Variants in BNIP2 observed in about 807,000 individuals in gnomAD.
BNIP2 encodes BCL2/adenovirus E1B 19 kDa protein-interacting protein 2.
BNIP2 carries 36 observed loss-of-function variants against 43.4 expected under a neutral mutation model. The ratio of observed to expected loss-of-function variants is 0.83; its 90% CI spans 0.64 to 1.10. The LOEUF (loss-of-function observed/expected upper bound fraction) is 1.10. BNIP2 is among the 50% of genes least tolerant of loss of function. BNIP2 has a pLI of 0.00. For missense variants in BNIP2, 417 were observed against 374.1 expected (o/e 1.11, Z -0.95); for synonymous variants, 146 against 121.0 (o/e 1.21, Z -1.35).
rs1892371875 is a variant in BNIP2 at position 59,663,268 on chromosome 15, T to A, written c.*801A>T. On this transcript the variant is annotated 3_prime_UTR_variant, in exon 10 of 10. Transcript: ENST00000607373. ...TCACATTAGTGAACAAACTCAAGAT[T>A]TTTATAAAGTTCTGACTTTGGGCCA... 1 of 152,376 alleles carries A rather than the reference T, an allele frequency of 6.6e-6. No homozygotes were observed. The highest frequency in any genetic ancestry group is 1.5e-5 in the Non-Finnish European group (1 of 68,046). The allele number at this position is 152,376 out of a possible 1,614,324, so 9.4% of individuals were successfully genotyped here. A position where few individuals can be genotyped will look rare whatever the true frequency, so the allele number is the denominator to read the frequency against.
At chr15:59,670,656 G>A (rs1277935265) in intron 7 of BNIP2, among the ~76,000 whole-genome samples, 1 of 152,078 alleles carries the variant, frequency 6.6e-6, no homozygotes, top group African/African-American at 2.4e-5. Flanking sequence ...GAAGAATTAA[G>A]GTTATTCTTT....
intron 1 of BNIP2, among the ~76,000 whole-genome samples, chr15:59,683,606 C>T (rs1893833940): frequency 6.6e-6 from 1 of 152,174 alleles, no homozygotes; most frequent in Non-Finnish European, 1.5e-5. Context: ...CACTTGAGGT[C>T]AGGAGTTCAA....
intron 2 of BNIP2, among the ~76,000 whole-genome samples, chr15:59,680,604 T>G (rs913247179): frequency 6.6e-6 from 1 of 152,156 alleles, no homozygotes; most frequent in African/African-American, 2.4e-5. Flanking sequence ...TCTTGCTATG[T>G]TACCCAGGCT....
chr15:59,670,079 G>A (rs1423757176), intron 7 of BNIP2, among the ~76,000 whole-genome samples: 2 of 152,126 alleles, frequency 1.3e-5, no homozygotes, highest in Admixed American at 6.5e-5. Context: ...TAACTCCCAA[G>A]ACAAAACACT....
intron 1 of BNIP2, among the ~76,000 whole-genome samples, chr15:59,687,893 C>T (rs1192405907): frequency 1.3e-5 from 2 of 152,154 alleles, no homozygotes; most frequent in African/African-American, 2.4e-5. Context: ...GACACTACAT[C>T]CTGGTCCCCA....
Position 59,679,085 on chromosome 15 carries a change from C to A in BNIP2, c.295+507G>T, listed in dbSNP as rs541561725. The stretch of plus-strand genomic sequence containing the variant: ...AATTATAACAACTATATATAAGATA[C>A]TGTAGACAATTTTGTAATTAAAGAA... On this transcript the variant is annotated intron_variant, in intron 4 of 9. Transcript: ENST00000607373. Among the ~76,000 whole-genome samples the A allele has an allele frequency of 3.9e-5, 6 of 152,186 alleles. No homozygotes were observed. The South Asian group carries it at 1.2e-3, about 32-fold the overall frequency.
At chr15:59,677,134 C>A in intron 5 of BNIP2, 5 of 1,598,404 alleles carry the variant, frequency 3.1e-6, no homozygotes, top group Non-Finnish European at 3.4e-6. Flanking sequence ...ATCAATGAGG[C>A]TATTTACATG....
At chr15:59,678,760 G>A (rs763278713) in intron 4 of BNIP2, 109 of 1,293,022 alleles carry the variant, frequency 8.4e-5, no homozygotes, top group Non-Finnish European at 1.0e-4. Context: ...AAAGATGGGG[G>A]GAGGGGGAAA....
At position 59,682,473 on chromosome 15, in the gene BNIP2, A is replaced by T; in HGVS notation, c.-16T>A. The T allele has an allele frequency of 6.2e-7, 1 of 1,613,744 alleles. No individual in the cohort carries two copies. Among genetic ancestry groups the T allele is most frequent in the Non-Finnish European group, 8.5e-7 (1 of 1,179,798 alleles). ...CACCTTCCATCCTCAGCCTGGATTC[A>T]ATGTCAACTACAAACTCTTGATAAT... On this transcript the variant is annotated 5_prime_UTR_variant, in exon 2 of 10. Coordinates refer to ENST00000607373, the MANE Select transcript of BNIP2 (RefSeq NM_004330.4).
chr15:59,680,431 T>C (rs1235044281), intron 2 of BNIP2, 123 bp from the exon 3 acceptor site: 2 of 735,704 alleles, frequency 2.7e-6, no homozygotes, highest in East Asian at 3.0e-5. Flanking sequence ...AGCAGTGTTG[T>C]TGTTTTTGAG....
intron 5 of BNIP2, among the ~76,000 whole-genome samples, chr15:59,674,663 T>C (rs1348344801): frequency 1.3e-5 from 2 of 152,010 alleles, no homozygotes; most frequent in African/African-American, 4.8e-5. Context: ...TGAAAAAAAA[T>C]CAATCTGCTT....
intron 9 of BNIP2, among the ~76,000 whole-genome samples, chr15:59,665,051 G>C (rs1171716256): frequency 6.6e-6 from 1 of 151,038 alleles, no homozygotes; most frequent in African/African-American, 2.4e-5. Flanking sequence ...GGATCACGAG[G>C]TCAGGAGTTC....
chr15:59,664,144 A>G (rs1321632772), intron 9 of BNIP2, 24 bp from the exon 10 acceptor site: 6 of 1,440,650 alleles, frequency 4.2e-6, no homozygotes, highest in Non-Finnish European at 3.8e-6. Flanking sequence ...AATATATAAA[A>G]TAAGAAACCA....
At position 59,672,759 on chromosome 15, in the gene BNIP2, C is replaced by A. The variant is rs766789434; in HGVS notation, c.473-20G>T. 4.4e-6 allele frequency: 7 copies of A among 1,582,720 alleles called. No individual in the cohort carries two copies. The East Asian group carries it at 1.3e-4, about 30-fold the overall frequency. ...AATATCCTAAAAAAGAAACCAAAGACAGTATCACCAGCACGATTTTACTCT... is the reference window on the plus strand; with the variant it reads ...AATATCCTAAAAAAGAAACCAAAGAAAGTATCACCAGCACGATTTTACTCT... On this transcript the variant is annotated intron_variant, in intron 5 of 9. Coordinates refer to ENST00000607373, the MANE Select transcript of BNIP2 (RefSeq NM_004330.4).
At chr15:59,664,199 T>C (rs1194056113) in intron 9 of BNIP2, 79 bp from the exon 10 acceptor site, 14 of 950,684 alleles carry the variant, frequency 1.5e-5, no homozygotes, top group East Asian at 2.8e-5. Context: ...TATTTTAGCA[T>C]AGAATATTAC....
In BNIP2 at chr15:59,674,884, G is replaced by C. The variant is rs537297179; in HGVS notation, c.473-2145C>G. On this transcript the variant is annotated intron_variant, in intron 5 of 9. Transcript: ENST00000607373. ...TCTTAAGGGCAGGGACTTAAGCCTT[G>C]TATTTTTGTATATCCCATAAGTATG... Among the ~76,000 whole-genome samples the C allele has an allele frequency of 2.0e-5, 3 of 152,290 alleles. No homozygotes were observed. The South Asian group carries it at 6.2e-4, about 32-fold the overall frequency.
chr15:59,688,732 C>T, intron 1 of BNIP2: 1 of 1,535,648 alleles, frequency 6.5e-7, no homozygotes. Flanking sequence ...CGAGGCATAC[C>T]AGAAGTCCAA....
Position 59,661,521 on chromosome 15 carries a change from AT to A in BNIP2, c.*2547del, listed in dbSNP as rs1304281067. Reference sequence around the variant, plus strand: ...CTGAGTTAAAGATTGTTAAGCTTAAATTGTGGGGTGAATAGAACGTCTTCCC... The same window carrying A: ...CTGAGTTAAAGATTGTTAAGCTTAAATGTGGGGTGAATAGAACGTCTTCCC... On this transcript the variant is annotated 3_prime_UTR_variant, in exon 10 of 10. Coordinates refer to ENST00000607373, the MANE Select transcript of BNIP2 (RefSeq NM_004330.4). The A allele has an allele frequency of 6.6e-6, 1 of 152,108 alleles. No homozygotes were observed. Among genetic ancestry groups the A allele is most frequent in the African/African-American group, 2.4e-5 (1 of 41,406 alleles). 9.4% of individuals were successfully genotyped at this position (152,108 alleles called of 1,614,324 possible). A position where few individuals can be genotyped will look rare whatever the true frequency, so the allele number is the denominator to read the frequency against.
intron 9 of BNIP2, among the ~76,000 whole-genome samples, chr15:59,665,778 T>G (rs575358631): frequency 2.0e-5 from 3 of 152,200 alleles, no homozygotes; most frequent in Non-Finnish European, 4.4e-5. Flanking sequence ...ACATTTGTAG[T>G]GGTCTGAATA....
Sources: gnomAD v4.1 joint callset for allele counts (sites outside exome capture counted in the v4.1 genomes callset) on GRCh38, gnomAD v4.1.1 for gene constraint, MANE v1.5 for transcripts, NCBI Gene and HGNC (gene_info 2026-07-23, HGNC 2026-07-21) for gene names.